TLN2: variants seen among roughly 807,000 people sequenced by gnomAD.
TLN2 encodes the protein talin-2.
Under a neutral mutation model 294.7 loss-of-function variants are expected in TLN2, and 118 were observed. That is an observed-to-expected ratio of 0.40 (90% CI 0.34 to 0.47). The LOEUF (loss-of-function observed/expected upper bound fraction) is 0.47, where lower values mean the gene tolerates loss of function less well. TLN2 is among the 20% of genes least tolerant of loss of function. The pLI is 0.84. For missense variants in TLN2, 3,083 were observed against 3,282.2 expected (o/e 0.94, Z 1.48); for synonymous variants, 1,431 against 1,304.5 (o/e 1.10, Z -2.09).
rs946590742 is a variant in TLN2 at position 62,844,583 on chromosome 15, A to G, written c.*3973A>G. On this transcript the variant is annotated 3_prime_UTR_variant, in exon 59 of 59. Coordinates refer to ENST00000636159, the MANE Select transcript of TLN2 (RefSeq NM_015059.3). The stretch of plus-strand genomic sequence containing the variant: ...CACATACATTAATTTATCTAACCAC[A>G]TAAGTTATTTTTTTTTATTTGCCAG... 5 of 152,126 alleles carry G rather than the reference A, an allele frequency of 3.3e-5. No individual in the cohort carries two copies. The highest frequency in any genetic ancestry group is 4.2e-4 in the South Asian group (2 of 4,812). The allele number at this position is 152,126 out of a possible 1,614,324, so 9.4% of individuals were successfully genotyped here. A position where few individuals can be genotyped will look rare whatever the true frequency, so the allele number is the denominator to read the frequency against.
chr15:62,451,557 G>A (rs563942529), intron 1 of TLN2, among the ~76,000 whole-genome samples: 86 of 152,264 alleles, frequency 5.6e-4, no homozygotes, highest in Middle Eastern at 3.4e-3. Flanking sequence ...CTCAGGAGGC[G>A]GAGGCAGGAG....
At chr15:62,711,059 T>A (rs2059401263) in intron 21 of TLN2, among the ~76,000 whole-genome samples, 1 of 152,074 alleles carries the variant, frequency 6.6e-6, no homozygotes, top group African/African-American at 2.4e-5. Context: ...CGGGATCCAG[T>A]CCAGGATACC....
intron 4 of TLN2, 156 bp from the exon 5 acceptor site, chr15:62,649,928 A>G: frequency 1.5e-6 from 1 of 673,898 alleles, no homozygotes; most frequent in South Asian, 1.8e-5. Context: ...GATCTGCTCC[A>G]GCCCTGATGG....
At chr15:62,709,445 G>C (rs1005333747) in intron 21 of TLN2, among the ~76,000 whole-genome samples, 2 of 152,194 alleles carry the variant, frequency 1.3e-5, no homozygotes, top group African/African-American at 4.8e-5. Context: ...AGGAGGAATA[G>C]CTCTGGGTTG....
intron 45 of TLN2, 146 bp downstream of exon 45, chr15:62,784,036 G>T: frequency 1.4e-6 from 2 of 1,386,344 alleles, no homozygotes; most frequent in South Asian, 1.4e-5. Context: ...GCACAGCACA[G>T]GTCCAGACCA....
intron 2 of TLN2, among the ~76,000 whole-genome samples, chr15:62,613,513 C>T (rs900126300): frequency 1.3e-5 from 2 of 152,110 alleles, no homozygotes; most frequent in Non-Finnish European, 2.9e-5. Flanking sequence ...GGAAACAGTA[C>T]GGCAGTTTCT....
At chr15:62,630,585 T>G (rs1401864447) in intron 3 of TLN2, among the ~76,000 whole-genome samples, 1 of 152,180 alleles carries the variant, frequency 6.6e-6, no homozygotes, top group East Asian at 1.9e-4. Context: ...GTTTTGACAT[T>G]GATTTTTTTT....
At chr15:62,489,252 C>T (rs943174798) in intron 1 of TLN2, among the ~76,000 whole-genome samples, 20 of 152,292 alleles carry the variant, frequency 1.3e-4, no homozygotes, top group South Asian at 1.0e-3. Context: ...TCCTTTTCTT[C>T]ACTTTTTCTA....
At chr15:62,472,286 A>G (rs1265650576) in intron 1 of TLN2, among the ~76,000 whole-genome samples, 1 of 152,154 alleles carries the variant, frequency 6.6e-6, no homozygotes, top group East Asian at 1.9e-4. Flanking sequence ...ACATGCTCCC[A>G]GCCTTCGAGA....
intron 1 of TLN2, among the ~76,000 whole-genome samples, chr15:62,549,480 G>GCATCCATGCATC (rs1555427562): frequency 3.2e-4 from 47 of 147,862 alleles, no homozygotes; most frequent in African/African-American, 1.0e-3. Flanking sequence ...TGCATGCCAT[G>GCATCCATGCATC]CATCCATCCA....
At chr15:62,532,388 C>T (rs2041094833) in intron 1 of TLN2, among the ~76,000 whole-genome samples, 1 of 152,114 alleles carries the variant, frequency 6.6e-6, no homozygotes, top group Non-Finnish European at 1.5e-5. Flanking sequence ...TGAGCCACTG[C>T]ATCCAGCATT....
At chr15:62,777,451 G>A (rs778118859) in intron 43 of TLN2, among the ~76,000 whole-genome samples, 9 of 151,312 alleles carry the variant, frequency 5.9e-5, no homozygotes, top group South Asian at 2.1e-4. Flanking sequence ...CAGGAGAATC[G>A]CTTGAACCCA....
intron 41 of TLN2, among the ~76,000 whole-genome samples, chr15:62,767,712 T>G (rs2063103908): frequency 1.3e-5 from 2 of 152,158 alleles, no homozygotes; most frequent in Non-Finnish European, 2.9e-5. Flanking sequence ...TCTGAAGAGG[T>G]TTGCAGGGGT....
chr15:62,409,591 T>G (rs955135340), intron 1 of TLN2, among the ~76,000 whole-genome samples: 1 of 152,194 alleles, frequency 6.6e-6, no homozygotes, highest in Non-Finnish European at 1.5e-5. Context: ...GTAAATTCCT[T>G]TGGAGCATTA....
intron 17 of TLN2, 106 bp from the exon 18 acceptor site, chr15:62,701,886 C>T: frequency 5.4e-6 from 7 of 1,285,820 alleles, no homozygotes; most frequent in South Asian, 1.4e-5. Context: ...TGGTGTCTGA[C>T]TCCTGCAGGA....
At chr15:62,699,495 T>TTAC (rs2058578672) in intron 16 of TLN2, among the ~76,000 whole-genome samples, 2 of 152,108 alleles carry the variant, frequency 1.3e-5, no homozygotes, top group South Asian at 4.1e-4. Flanking sequence ...AAGCACTGGC[T>TTAC]TACTACCACT....
chr15:62,718,615 T>A (rs897178103), intron 24 of TLN2, among the ~76,000 whole-genome samples: 1 of 152,162 alleles, frequency 6.6e-6, no homozygotes, highest in Admixed American at 6.5e-5. Context: ...AAAGCCTTAG[T>A]GACATAGTAG....
intron 28 of TLN2, among the ~76,000 whole-genome samples, chr15:62,733,438 C>T (rs1567483913): frequency 6.6e-6 from 1 of 152,208 alleles, no homozygotes; most frequent in Non-Finnish European, 1.5e-5. Flanking sequence ...TCAGAAGTTG[C>T]ATGTGAGCTG....
intron 1 of TLN2, among the ~76,000 whole-genome samples, chr15:62,415,843 G>A (rs2034048157): frequency 6.6e-6 from 1 of 152,230 alleles, no homozygotes; most frequent in South Asian, 2.1e-4. Context: ...TCTCGGAGTT[G>A]TGGGGGGTAG....
Sources: allele counts gnomAD v4.1 joint callset (sites outside exome capture counted in the v4.1 genomes callset), GRCh38; gene constraint gnomAD v4.1.1; transcripts MANE v1.5; gene names NCBI Gene and HGNC (gene_info 2026-07-23, HGNC 2026-07-21).